RETREG1: variants seen among roughly 807,000 people sequenced by gnomAD.
RETREG1 encodes reticulophagy regulator 1.
Under a neutral mutation model 54.8 loss-of-function variants are expected in RETREG1, and 44 were observed. The ratio of observed to expected loss-of-function variants is 0.80; its 90% confidence interval spans 0.63 to 1.03. RETREG1 has a LOEUF of 1.03. RETREG1 is among the 50% of genes least tolerant of loss of function. RETREG1 has a pLI of 0.00. For synonymous variants in RETREG1, 217 were observed against 238.5 expected (o/e 0.91, Z 0.83); for missense variants, 554 against 605.1 (o/e 0.92, Z 0.89).
chr5:16,527,800 ATTTTTTT>A lies in RETREG1; in HGVS notation c.458+37956_458+37962del, dbSNP rs386403108. Among the ~76,000 whole-genome samples, 18 of 66,262 alleles carry A rather than the reference ATTTTTTT, an allele frequency of 2.7e-4. No individual in the cohort carries two copies. In the South Asian group the frequency reaches 4.7e-3, roughly 17 times the overall value. 43.5% of individuals were successfully genotyped at this position (66,262 alleles called of 152,430 possible). A position where few individuals can be genotyped will look rare whatever the true frequency, so the allele number is the denominator to read the frequency against. Reference sequence around the variant, plus strand: ...CTTAGTACAATTTCGAGGGACTCTAATTTTTTTTTTTTTTTTTTTTTTTTTTTGAGAT... The same window carrying A: ...CTTAGTACAATTTCGAGGGACTCTAATTTTTTTTTTTTTTTTTTTTGAGAT... On this transcript the variant is annotated intron_variant, in intron 3 of 8. Coordinates refer to ENST00000306320, the MANE Select transcript of RETREG1 (RefSeq NM_001034850.3).
chr5:16,518,172 A>G (rs1740419747), intron 3 of RETREG1, among the ~76,000 whole-genome samples: 1 of 148,144 alleles, frequency 6.8e-6, no homozygotes, highest in Non-Finnish European at 1.5e-5. Context: ...TATAATCAAT[A>G]TGTAAATATA....
At chr5:16,525,070 G>A (rs7445624) in intron 3 of RETREG1, among the ~76,000 whole-genome samples, 10,258 of 137,118 alleles carry the variant, frequency 0.075, 14 homozygotes, top group African/African-American at 0.12. Context: ...GTGGATGTGC[G>A]CGGGGGACAC....
intron 3 of RETREG1, among the ~76,000 whole-genome samples, chr5:16,527,799 A>ATTTTT (rs1561106110): frequency 1.3e-4 from 6 of 44,696 alleles, no homozygotes; most frequent in East Asian, 9.0e-4. Context: ...GAGGGACTCT[A>ATTTTT]ATTTTTTTTT....
intron 4 of RETREG1, chr5:16,483,067 T>A (rs1738867943): frequency 5.2e-6 from 2 of 387,242 alleles, no homozygotes; most frequent in Admixed American, 4.2e-5. Flanking sequence ...TTCTCCCTAG[T>A]CTTGCTGATA....
intron 3 of RETREG1, among the ~76,000 whole-genome samples, chr5:16,520,496 A>C (rs1740501071): frequency 1.3e-5 from 2 of 151,596 alleles, no homozygotes; most frequent in South Asian, 4.2e-4. Flanking sequence ...CACTCGGCTA[A>C]TTTTTGTATT....
intron 1 of RETREG1, among the ~76,000 whole-genome samples, chr5:16,577,289 GT>G (rs60991994): frequency 0.4 from 56,515 of 141,128 alleles, 10,903 homozygotes; most frequent in Middle Eastern, 0.47. Context: ...ACTTAGGTTT[GT>G]TTTTTTTTTT....
chr5:16,501,886 C>T (rs910221820), intron 3 of RETREG1, among the ~76,000 whole-genome samples: 1 of 150,946 alleles, frequency 6.6e-6, no homozygotes, highest in Non-Finnish European at 1.5e-5. Flanking sequence ...CACCAGATGG[C>T]AAGTACTACC....
Position 16,593,821 on chromosome 5 carries a change from G to A in RETREG1, c.321-21719C>T, listed in dbSNP as rs1742835238. ...AGAGAATGGTGCTCTGCTGACTCAT[G>A]TGTCCCTATCACCAGAGGAGCTGCA... On this transcript the variant is annotated intron_variant, in intron 1 of 8. Transcript: ENST00000306320. The surrounding 1 kb of genome is among the most constrained non-coding windows in gnomAD (Gnocchi z 4.9). Among the ~76,000 whole-genome samples the A allele has an allele frequency of 1.3e-5, 2 of 152,226 alleles. No individual in the cohort carries two copies. The highest frequency in any genetic ancestry group is 4.1e-4 in the South Asian group (2 of 4,834).
chr5:16,581,114 C>A (rs1194230129), intron 1 of RETREG1, among the ~76,000 whole-genome samples: 2 of 152,160 alleles, frequency 1.3e-5, no homozygotes, highest in Non-Finnish European at 2.9e-5. Flanking sequence ...CAACTGACCA[C>A]TGCCCTGGGC....
chr5:16,616,362 G>A (rs866919496), intron 1 of RETREG1: 6 of 419,704 alleles, frequency 1.4e-5, no homozygotes, highest in Non-Finnish European at 1.3e-5. Context: ...AAGTTTTCAA[G>A]CACGATGGGA....
At chr5:16,493,775 TA>T (rs1739342043) in intron 3 of RETREG1, among the ~76,000 whole-genome samples, 1 of 152,144 alleles carries the variant, frequency 6.6e-6, no homozygotes, top group East Asian at 1.9e-4. Flanking sequence ...AAAAAGTCAT[TA>T]ACAATATTGT....
In RETREG1 at chr5:16,473,621, C is replaced by CT. The variant is rs1403274662; in HGVS notation, c.*1119dup. 4.6e-5 allele frequency: 7 copies of CT among 152,484 alleles called. No homozygotes were observed. Among genetic ancestry groups the CT allele is most frequent in the Non-Finnish European group, 8.8e-5 (6 of 67,990 alleles). 9.4% of individuals were successfully genotyped at this position (152,484 alleles called of 1,614,324 possible). ...AAACAAAACTAGGTTGGTTTCAGCT[C>CT]TTTAGTCCTTTGTTAAAAACCATAA... On this transcript the variant is annotated 3_prime_UTR_variant, in exon 9 of 9. Transcript: ENST00000306320.
chr5:16,508,721 G>T (rs1740063020), intron 3 of RETREG1: 1 of 1,405,460 alleles, frequency 7.1e-7, no homozygotes, highest in East Asian at 2.3e-5. Flanking sequence ...AATATCAGGA[G>T]GAAAAAAACC....
chr5:16,535,251 G>C (rs1468420845), intron 3 of RETREG1, among the ~76,000 whole-genome samples: 2 of 152,200 alleles, frequency 1.3e-5, no homozygotes, highest in African/African-American at 4.8e-5. Flanking sequence ...ATCCTTGCAA[G>C]CTCTGAGTGC....
At chr5:16,510,784 T>C (rs1236812456) in intron 3 of RETREG1, among the ~76,000 whole-genome samples, 1 of 131,472 alleles carries the variant, frequency 7.6e-6, no homozygotes, top group Non-Finnish European at 1.5e-5. Flanking sequence ...AGTGAGAACC[T>C]GTCTCGAAAA....
In RETREG1 at chr5:16,611,625, C is replaced by T. The variant is rs114017024; in HGVS notation, c.320+5027G>A. ...ATTTCTACGTGATGTTTTCCAATAG[C>T]TTTATTCATAATAGTCAAACATGAA... On this transcript the variant is annotated intron_variant, in intron 1 of 8. Coordinates refer to ENST00000306320, the MANE Select transcript of RETREG1 (RefSeq NM_001034850.3). Among the ~76,000 whole-genome samples the T allele has an allele frequency of 5.2e-3, 785 of 152,306 alleles. 3 individuals are homozygous for T. Among genetic ancestry groups the T allele is most frequent in the African/African-American group, 0.018 (737 of 41,554 alleles).
intron 2 of RETREG1, among the ~76,000 whole-genome samples, chr5:16,569,082 T>G (rs1053095622): frequency 1.3e-5 from 2 of 152,192 alleles, no homozygotes; most frequent in Middle Eastern, 3.4e-3. Flanking sequence ...AGCCAAACTG[T>G]GCCCTGCAGA....
intron 1 of RETREG1, among the ~76,000 whole-genome samples, chr5:16,581,908 T>C (rs1742494704): frequency 6.6e-6 from 1 of 152,232 alleles, no homozygotes; most frequent in South Asian, 2.1e-4. Flanking sequence ...TAGGTAAACA[T>C]GTGCCATGGT....
intron 3 of RETREG1, among the ~76,000 whole-genome samples, chr5:16,523,857 T>C (rs1466402782): frequency 6.6e-6 from 1 of 152,178 alleles, no homozygotes; most frequent in East Asian, 1.9e-4. Context: ...CTTTGGGCGG[T>C]AATCCAGTGC....
Sources: gnomAD v4.1 joint callset for allele counts (sites outside exome capture counted in the v4.1 genomes callset) on GRCh38, gnomAD v4.1.1 for gene constraint, Gnocchi (gnomAD v3.1) non-coding constraint, MANE v1.5 for transcripts, NCBI Gene and HGNC (gene_info 2026-07-23, HGNC 2026-07-21) for gene names.